DYNC1I1: variants seen among roughly 807,000 people sequenced by gnomAD.
DYNC1I1 encodes cytoplasmic dynein 1 intermediate chain 1.
DYNC1I1 carries 43 observed loss-of-function variants against 86.6 expected under a neutral mutation model. That is an observed-to-expected ratio of 0.50 (90% CI 0.39 to 0.64). The LOEUF is 0.64. Ranked by LOEUF, DYNC1I1 falls within the 30% of genes least tolerant of loss-of-function variation. The probability of loss-of-function intolerance (pLI) is 0.00; values close to 1 mark genes in which losing one functional copy is unlikely to be tolerated. For synonymous variants in DYNC1I1, 262 were observed against 283.7 expected (o/e 0.92, Z 0.77); for missense variants, 604 against 788.8 (o/e 0.77, Z 2.81).
intron 6 of DYNC1I1, among the ~76,000 whole-genome samples, chr7:95,894,295 G>C (rs1222022569): frequency 6.6e-6 from 1 of 151,892 alleles, no homozygotes; most frequent in African/African-American, 2.4e-5. Flanking sequence ...GTGAAGCCTG[G>C]CTTTCTGGTT....
At chr7:95,896,676 T>A (rs1337176379) in intron 6 of DYNC1I1, among the ~76,000 whole-genome samples, 1 of 152,178 alleles carries the variant, frequency 6.6e-6, no homozygotes, top group Non-Finnish European at 1.5e-5. Context: ...GCAAGGCCAG[T>A]GAGAAATCAG....
intron 6 of DYNC1I1, among the ~76,000 whole-genome samples, chr7:95,933,854 A>G (rs1276517458): frequency 6.6e-6 from 1 of 152,020 alleles, no homozygotes. Flanking sequence ...ATTTATTTTG[A>G]GCCTAGTGGT....
rs1554443206 is a variant in DYNC1I1 at position 96,077,276 on chromosome 7, T to TGTGTGTGTGGGG, written c.1650+1080_1650+1081insTGTGTGTGGGGG. Among the ~76,000 whole-genome samples, 361 of 137,322 alleles carry TGTGTGTGTGGGG rather than the reference T, an allele frequency of 2.6e-3. 4 individuals carry two copies. Among genetic ancestry groups the TGTGTGTGTGGGG allele is most frequent in the African/African-American group, 9.7e-3 (352 of 36,426 alleles). The allele number at this position is 137,322 out of a possible 152,430, so 90.1% of individuals were successfully genotyped here. On this transcript the variant is annotated intron_variant, in intron 15 of 16. Coordinates refer to ENST00000447467, the MANE Select transcript of DYNC1I1 (RefSeq NM_001135556.2). ...GTGTGTGTGTGTGTGTGTGTGTGTG[T>TGTGTGTGTGGGG]GGGAGGGGGCAGGGAAATATTCTTC... is the stretch of plus-strand genomic sequence containing the variant.
intron 14 of DYNC1I1, among the ~76,000 whole-genome samples, chr7:96,040,889 A>T (rs1405453648): frequency 6.6e-6 from 1 of 151,636 alleles, no homozygotes. Context: ...TGCCCACCTA[A>T]TTTTTGTATT....
chr7:95,956,419 A>C (rs1407017019), intron 6 of DYNC1I1, among the ~76,000 whole-genome samples: 2 of 147,452 alleles, frequency 1.4e-5, no homozygotes, highest in Non-Finnish European at 3.0e-5. Context: ...GTTCTGGGAT[A>C]CATGTGCAGA....
intron 1 of DYNC1I1, chr7:95,802,825 C>T (rs1285773069): frequency 6.6e-6 from 1 of 152,164 alleles, no homozygotes; most frequent in Non-Finnish European, 1.5e-5. Flanking sequence ...CCTCAACTTT[C>T]TGTTTCTTGA....
At chr7:95,847,600 C>A (rs1789468476) in intron 5 of DYNC1I1, among the ~76,000 whole-genome samples, 1 of 152,190 alleles carries the variant, frequency 6.6e-6, no homozygotes, top group African/African-American at 2.4e-5. Flanking sequence ...TCCTCACTGT[C>A]TACAGCATAA....
intron 5 of DYNC1I1, among the ~76,000 whole-genome samples, chr7:95,852,695 T>C (rs947099553): frequency 6.6e-6 from 1 of 151,976 alleles, no homozygotes; most frequent in Non-Finnish European, 1.5e-5. Flanking sequence ...TTAGTAGAGA[T>C]GGGGTTTCAC....
chr7:95,971,108 G>T (rs145917331), intron 6 of DYNC1I1, among the ~76,000 whole-genome samples: 35 of 152,312 alleles, frequency 2.3e-4, no homozygotes, highest in African/African-American at 7.9e-4. Flanking sequence ...CATGTCAGGT[G>T]TGAGGTGCCC....
At chr7:95,774,802 T>A (rs1440211622) in intron 1 of DYNC1I1, among the ~76,000 whole-genome samples, 1 of 152,236 alleles carries the variant, frequency 6.6e-6, no homozygotes, top group African/African-American at 2.4e-5. Flanking sequence ...ACCAGTCTTG[T>A]AAAATGCATG....
At chr7:95,947,254 A>G (rs1401605405) in intron 6 of DYNC1I1, among the ~76,000 whole-genome samples, 1 of 152,064 alleles carries the variant, frequency 6.6e-6, no homozygotes, top group East Asian at 1.9e-4. Context: ...GTAAATATCT[A>G]CTCACGTCAG....
chr7:95,864,226 AG>A (rs985356646), intron 5 of DYNC1I1, among the ~76,000 whole-genome samples: 28 of 152,314 alleles, frequency 1.8e-4, no homozygotes, highest in African/African-American at 6.3e-4. Context: ...AGAAATGGAA[AG>A]GGGAATGGGG....
chr7:95,856,980 G>GAAA (rs897937260), intron 5 of DYNC1I1, among the ~76,000 whole-genome samples: 1 of 146,552 alleles, frequency 6.8e-6, no homozygotes, highest in African/African-American at 2.5e-5. Context: ...ATCCGTCTCA[G>GAAA]AAAAAAAAAA....
chr7:96,078,116 A>G (rs1311035033), intron 15 of DYNC1I1, among the ~76,000 whole-genome samples: 1 of 152,190 alleles, frequency 6.6e-6, no homozygotes, highest in Non-Finnish European at 1.5e-5. Flanking sequence ...TCTTAAAAAA[A>G]TCTGAATTAT....
chr7:95,939,143 T>G (rs2116437437), intron 6 of DYNC1I1, among the ~76,000 whole-genome samples: 1 of 152,354 alleles, frequency 6.6e-6, no homozygotes. Context: ...CTAGTTTGAT[T>G]GCACTGTGGT....
chr7:96,032,145 C>A (rs1195846783), intron 11 of DYNC1I1, among the ~76,000 whole-genome samples: 4 of 152,108 alleles, frequency 2.6e-5, no homozygotes, highest in East Asian at 3.9e-4. Context: ...TAGTATCTCT[C>A]CCCCAGATTA....
intron 6 of DYNC1I1, among the ~76,000 whole-genome samples, chr7:95,890,252 T>C (rs1790702809): frequency 6.6e-6 from 1 of 152,084 alleles, no homozygotes; most frequent in Non-Finnish European, 1.5e-5. Context: ...TATGCAGCCA[T>C]AAAAAGAATG....
At chr7:95,808,733 C>T (rs1244679753) in intron 2 of DYNC1I1, among the ~76,000 whole-genome samples, 1 of 152,106 alleles carries the variant, frequency 6.6e-6, no homozygotes, top group African/African-American at 2.4e-5. Flanking sequence ...TTTCTTTCTT[C>T]GATTATCCTC....
chr7:95,939,527 A>C (rs1769179119), intron 6 of DYNC1I1, among the ~76,000 whole-genome samples: 1 of 151,572 alleles, frequency 6.6e-6, no homozygotes, highest in Non-Finnish European at 1.5e-5. Flanking sequence ...CTTCTTGTTG[A>C]ATTGATCCCT....
Sources: gnomAD v4.1 joint callset for allele counts (sites outside exome capture counted in the v4.1 genomes callset) on GRCh38, gnomAD v4.1.1 for gene constraint, MANE v1.5 for transcripts, NCBI Gene and HGNC (gene_info 2026-07-23, HGNC 2026-07-21) for gene names.